PEX13: variants seen among roughly 807,000 people sequenced by gnomAD.
PEX13 encodes peroxisome biogenesis factor 13.
Under a neutral mutation model 34.5 loss-of-function variants are expected in PEX13, and 28 were observed. That is an observed-to-expected ratio of 0.81 (90% CI 0.60 to 1.11). The LOEUF (loss-of-function observed/expected upper bound fraction) is 1.11, where lower values mean the gene tolerates loss of function less well. Ranked by LOEUF, PEX13 falls within the 50% of genes most tolerant of loss-of-function variation. The pLI, the probability that PEX13 is intolerant of heterozygous loss-of-function variation, is 0.00. For missense variants in PEX13, 550 were observed against 491.0 expected (o/e 1.12, Z -1.13); for synonymous variants, 177 against 175.1 (o/e 1.01, Z -0.09).
At chr2:61,040,530 G>C (rs1680605395) in intron 2 of PEX13, among the ~76,000 whole-genome samples, 1 of 151,930 alleles carries the variant, frequency 6.6e-6, no homozygotes, top group South Asian at 2.1e-4. Flanking sequence ...GGTGGGAGTT[G>C]AACAATGAGA....
At chr2:61,023,133 T>A (rs886071210) in intron 1 of PEX13, among the ~76,000 whole-genome samples, 6 of 152,010 alleles carry the variant, frequency 3.9e-5, no homozygotes, top group Non-Finnish European at 7.4e-5. Flanking sequence ...GCCTCCTGAG[T>A]AGCTGGGACT....
At chr2:61,030,342 T>TGACAACTGAGG (rs778842281) in intron 1 of PEX13, among the ~76,000 whole-genome samples, 97 of 152,330 alleles carry the variant, frequency 6.4e-4, no homozygotes, top group Admixed American at 1.1e-3. Context: ...GTCCCTCAGC[T>TGACAACTGAGG]GACAACTGAG....
chr2:61,034,382 G>A (rs945036372), intron 2 of PEX13, among the ~76,000 whole-genome samples: 1 of 152,216 alleles, frequency 6.6e-6, no homozygotes, highest in Non-Finnish European at 1.5e-5. Context: ...GCAGCTCCCA[G>A]CAAGATCGAC....
intron 1 of PEX13, among the ~76,000 whole-genome samples, chr2:61,026,435 G>A (rs1238487561): frequency 1.4e-5 from 2 of 143,278 alleles, no homozygotes; most frequent in Admixed American, 7.5e-5. Flanking sequence ...ACCTCTGTCC[G>A]CTTCCCAGGT....
chr2:61,024,965 T>A (rs572972937), intron 1 of PEX13, among the ~76,000 whole-genome samples: 4 of 152,354 alleles, frequency 2.6e-5, no homozygotes, highest in African/African-American at 9.6e-5. Context: ...TTTATTTGAA[T>A]ATATTCAACA....
chr2:61,018,446 T>C (rs1680159114), intron 1 of PEX13: 5 of 906,776 alleles, frequency 5.5e-6, no homozygotes, highest in Middle Eastern at 2.4e-4. Context: ...GTGTGCAAAA[T>C]AGTGTATTTT....
chr2:61,022,492 T>G (rs1680281520), intron 1 of PEX13, among the ~76,000 whole-genome samples: 1 of 152,260 alleles, frequency 6.6e-6, no homozygotes, highest in Non-Finnish European at 1.5e-5. Context: ...ATGTTTATTG[T>G]ATCAACCTTC....
chr2:61,049,704 G>A lies in PEX13; in HGVS notation c.*934G>A, dbSNP rs1370971992. ...AGGAGAATTGCTTGAACCCCAGGAG[G>A]CGGAGGTTACGCTGAGCCGGAGATC... On this transcript the variant is annotated 3_prime_UTR_variant, in exon 4 of 4. Transcript: ENST00000295030. 6.6e-6 allele frequency: 1 copy of A among 152,222 alleles called. No individual in the cohort carries two copies. Among genetic ancestry groups the A allele is most frequent in the East Asian group, 1.9e-4 (1 of 5,196 alleles). The allele number at this position is 152,222 out of a possible 1,614,324, so 9.4% of individuals were successfully genotyped here.
chr2:61,047,868 G>T (rs940644787), intron 3 of PEX13, among the ~76,000 whole-genome samples: 1 of 152,186 alleles, frequency 6.6e-6, no homozygotes, highest in African/African-American at 2.4e-5. Context: ...AAATACAATA[G>T]AAAATTGAGT....
chr2:61,029,139 C>T (rs1378470674), intron 1 of PEX13, among the ~76,000 whole-genome samples: 1 of 130,390 alleles, frequency 7.7e-6, no homozygotes, highest in African/African-American at 2.9e-5. Flanking sequence ...ACCCTGTCTC[C>T]AAAAAAAAAA....
rs762747711 is a variant in PEX13 at position 61,031,757 on chromosome 2, G to T, written c.431G>T (p.Ser144Ile). ...ESIVHAFASV[S>I]MMMDATFSAV... ...ATTGTGCATGCATTTGCCTCTGTCAGTATGATGATGGATGCTACCTTTTCA... is the reference window on the plus strand; with the variant it reads ...ATTGTGCATGCATTTGCCTCTGTCATTATGATGATGGATGCTACCTTTTCA... The change falls in exon 2 of 4, where the codon AGT becomes ATT. Residue 144 changes from serine to isoleucine, a missense_variant. Physicochemically the swap from Ser to Ile is moderately radical, Grantham distance 142. Transcript: ENST00000295030. 2 of 1,613,964 alleles carry T rather than the reference G, an allele frequency of 1.2e-6. No individual in the cohort carries two copies. The highest frequency in any genetic ancestry group is 1.7e-5 in the Admixed American group (1 of 60,036).
At position 61,048,529 on chromosome 2, in the gene PEX13, G is replaced by A; in HGVS notation, c.971G>A (p.Gly324Glu). The A allele has an allele frequency of 6.2e-7, 1 of 1,614,018 alleles. No homozygotes were observed. The highest frequency in any genetic ancestry group is 8.5e-7 in the Non-Finnish European group (1 of 1,179,930). Reference sequence around the variant, plus strand: ...GCTAGCCTTGATGGCCAAACAACAGGACTTATACCTGCGAATTATGTCAAA... The same window carrying A: ...GCTAGCCTTGATGGCCAAACAACAGAACTTATACCTGCGAATTATGTCAAA... ...LLASLDGQTT[G>E]LIPANYVKIL... The change falls in exon 4 of 4, where the codon GGA becomes GAA. Residue 324 changes from glycine (G) to glutamate (E), a missense_variant. Coordinates refer to ENST00000295030, the MANE Select transcript of PEX13 (RefSeq NM_002618.4).
In PEX13 at chr2:61,017,915, G is replaced by C. The variant is rs920932345; in HGVS notation, c.92+64G>C. ...CCGAGCGGGGACTTGGCAGGAGGCG[G>C]TTGTAGCGGTTGTTAGTGGAGGTAT... On this transcript the variant is annotated intron_variant, in intron 1 of 3. Transcript: ENST00000295030. The C allele has an allele frequency of 1.2e-5, 18 of 1,479,228 alleles. No homozygotes were observed. In the African/African-American group the frequency reaches 2.2e-4, roughly 18 times the overall value. 91.6% of individuals were successfully genotyped at this position (1,479,228 alleles called of 1,614,324 possible).
At chr2:61,040,260 C>T (rs746773486) in intron 2 of PEX13, among the ~76,000 whole-genome samples, 3 of 152,130 alleles carry the variant, frequency 2.0e-5, no homozygotes, top group South Asian at 4.1e-4. Context: ...GATTATAAAT[C>T]GTGCTACTAT....
In PEX13 at chr2:61,042,659, C is replaced by CTGTGAA. The variant is rs1209926230; in HGVS notation, c.788-3067_788-3066insTGTGAA. Among the ~76,000 whole-genome samples the CTGTGAA allele has an allele frequency of 3.9e-5, 6 of 152,030 alleles. No homozygotes were observed. The East Asian group carries it at 1.2e-3, about 29-fold the overall frequency. ...AATTCTCATCACAGCAGAATTTCCG[C>CTGTGAA]ATCAAAATAAAAATAAAATAAAATG... On this transcript the variant is annotated intron_variant, in intron 2 of 3. Coordinates refer to ENST00000295030, the MANE Select transcript of PEX13 (RefSeq NM_002618.4).
At chr2:61,022,046 G>A (rs1156869850) in intron 1 of PEX13, among the ~76,000 whole-genome samples, 2 of 152,160 alleles carry the variant, frequency 1.3e-5, no homozygotes, top group Non-Finnish European at 2.9e-5. Flanking sequence ...AAGACCAAAG[G>A]TAGATAAAAC....
At chr2:61,017,969 C>T (rs760435468) in intron 1 of PEX13, 118 bp downstream of exon 1, 14 of 1,331,392 alleles carry the variant, frequency 1.1e-5, no homozygotes, top group African/African-American at 1.5e-5. Flanking sequence ...CAATACCCAA[C>T]CTTGGGGATA....
rs767987790 is a variant in PEX13 at position 61,031,633 on chromosome 2, C to G, written c.307C>G (p.Leu103Val). ...YSPYSYGYNGLGYNRLRVDDL... is the reference protein window; with the variant it reads ...YSPYSYGYNGVGYNRLRVDDL... ...TCCTTATAGTTATGGATATAATGGG[C>G]TGGGCTACAACCGCCTCCGTGTAGA... Residue 103 changes from leucine to valine, a missense_variant, in exon 2 of 4, where the codon CTG becomes GTG. Coordinates refer to ENST00000295030, the MANE Select transcript of PEX13 (RefSeq NM_002618.4). 6.2e-7 allele frequency: 1 copy of G among 1,614,038 alleles called. No homozygotes were observed. The highest frequency in any genetic ancestry group is 1.7e-5 in the Admixed American group (1 of 60,006).
rs1680800147 is a variant in PEX13 at position 61,051,580 on chromosome 2, T to C, written c.*2810T>C. 2 of 152,314 alleles carry C rather than the reference T, an allele frequency of 1.3e-5. No individual in the cohort carries two copies. Among genetic ancestry groups the C allele is most frequent in the African/African-American group, 4.8e-5 (2 of 41,454 alleles). 9.4% of individuals were successfully genotyped at this position (152,314 alleles called of 1,614,324 possible). A position where few individuals can be genotyped will look rare whatever the true frequency, so the allele number is the denominator to read the frequency against. Reference sequence around the variant, plus strand: ...TTTGTAACCTTTTTTATCATGACAGTTTTAGAATAATTTTTTTAGCTGAGA... The same window carrying C: ...TTTGTAACCTTTTTTATCATGACAGCTTTAGAATAATTTTTTTAGCTGAGA... On this transcript the variant is annotated 3_prime_UTR_variant, in exon 4 of 4. Transcript: ENST00000295030.
Sources: gnomAD v4.1 joint callset for allele counts (sites outside exome capture counted in the v4.1 genomes callset) on GRCh38, gnomAD v4.1.1 for gene constraint, MANE v1.5 for transcripts, NCBI Gene and HGNC (gene_info 2026-07-23, HGNC 2026-07-21) for gene names.